RABGAP1L: variants seen among roughly 807,000 people sequenced by gnomAD.
RABGAP1L encodes the protein RAB GTPase activating protein 1 like, also known as rab GTPase-activating protein 1-like.
RABGAP1L carries 63 observed loss-of-function variants against 137.7 expected under a neutral mutation model. The ratio of observed to expected loss-of-function variants is 0.46; its 90% confidence interval spans 0.37 to 0.56. The LOEUF (loss-of-function observed/expected upper bound fraction) is 0.56, where lower values mean the gene tolerates loss of function less well. Among genes scored for constraint, RABGAP1L ranks in the 20% least tolerant of loss-of-function variants. The pLI is 0.00. For synonymous variants in RABGAP1L, 431 were observed against 433.7 expected, an observed-to-expected ratio of 0.99 and a Z score of 0.08; for missense variants, 1,095 against 1,244.0, an observed-to-expected ratio of 0.88 and a Z score of 1.80.
intron 14 of RABGAP1L, among the ~76,000 whole-genome samples, chr1:174,649,207 G>C (rs140879315): frequency 0.015 from 2,318 of 152,170 alleles, 30 homozygotes; most frequent in Middle Eastern, 0.061. Flanking sequence ...TACATTTAAG[G>C]TTAATATTGT....
chr1:174,607,113 A>G (rs1359961605), intron 13 of RABGAP1L, among the ~76,000 whole-genome samples: 1 of 152,204 alleles, frequency 6.6e-6, no homozygotes, highest in Non-Finnish European at 1.5e-5. Flanking sequence ...TTTTAATATC[A>G]GTATGTTCAA....
chr1:174,625,652 A>G (rs1040675038), intron 13 of RABGAP1L, among the ~76,000 whole-genome samples: 3 of 152,218 alleles, frequency 2.0e-5, no homozygotes, highest in African/African-American at 7.2e-5. Flanking sequence ...AGCTTGAAGA[A>G]TTTCAAAGAG....
intron 5 of RABGAP1L, among the ~76,000 whole-genome samples, chr1:174,246,749 G>A (rs958863664): frequency 3.3e-5 from 5 of 152,100 alleles, no homozygotes; most frequent in African/African-American, 1.2e-4. Context: ...AGTTTTGGGG[G>A]GTCCTAGAAA....
At chr1:174,784,493 G>A (rs1448062258) in intron 18 of RABGAP1L, among the ~76,000 whole-genome samples, 1 of 152,076 alleles carries the variant, frequency 6.6e-6, no homozygotes, top group Admixed American at 6.5e-5. Flanking sequence ...AGGTGGGAGA[G>A]GTTTACCCCA....
In RABGAP1L at chr1:174,936,971, ATTTTTTTTTTTT is replaced by A. The variant is rs909397955; in HGVS notation, c.2341-20473_2341-20462del. 5.2e-3 allele frequency among the ~76,000 whole-genome samples: 526 copies of A among 101,544 alleles called. 1 individual carries two copies. Among genetic ancestry groups the A allele is most frequent in the Middle Eastern group, 0.023 (3 of 128 alleles). The allele number at this position is 101,544 out of a possible 152,430, so 66.6% of individuals were successfully genotyped here. A position where few individuals can be genotyped will look rare whatever the true frequency, so the allele number is the denominator to read the frequency against. ...AAGGACCATAATTTTTATAAGATTA[ATTTTTTTTTTTT>A]TTTTTTTTTTTTGTGAGATGGAGCC... On this transcript the variant is annotated intron_variant, in intron 19 of 25. Coordinates refer to ENST00000681986, the MANE Select transcript of RABGAP1L (RefSeq NM_001366446.1).
chr1:174,597,056 G>A (rs1669998974), intron 13 of RABGAP1L, among the ~76,000 whole-genome samples: 1 of 151,990 alleles, frequency 6.6e-6, no homozygotes, highest in Admixed American at 6.6e-5. Flanking sequence ...TTACATCCTG[G>A]GGATAAATCT....
At chr1:174,527,412 A>G (rs10912804) in intron 13 of RABGAP1L, among the ~76,000 whole-genome samples, 88,259 of 151,696 alleles carry the variant, frequency 0.58, 27,976 homozygotes, top group African/African-American at 0.85. Flanking sequence ...CATGTTGGCC[A>G]GGCAAGCTGG....
At chr1:174,788,827 T>A (rs972287076) in intron 18 of RABGAP1L, among the ~76,000 whole-genome samples, 3 of 152,170 alleles carry the variant, frequency 2.0e-5, no homozygotes, top group Non-Finnish European at 4.4e-5. Context: ...TCCTCGTGCC[T>A]CAGCCTCCTG....
At chr1:174,833,258 G>GGT (rs1266769691) in intron 19 of RABGAP1L, among the ~76,000 whole-genome samples, 1 of 150,150 alleles carries the variant, frequency 6.7e-6, no homozygotes. Context: ...AGAGTGTAGT[G>GGT]GTGTGATCAC....
chr1:174,771,845 A>G (rs1686132763), intron 18 of RABGAP1L, among the ~76,000 whole-genome samples: 1 of 152,270 alleles, frequency 6.6e-6, no homozygotes, highest in Non-Finnish European at 1.5e-5. Flanking sequence ...AATTAATAGT[A>G]AGACACCTAT....
intron 1 of RABGAP1L, among the ~76,000 whole-genome samples, chr1:174,185,229 A>T (rs552695319): frequency 3.6e-4 from 55 of 152,336 alleles, no homozygotes; most frequent in African/African-American, 1.2e-3. Flanking sequence ...TAGATCTATT[A>T]GGTTGGTGCA....
At chr1:174,187,290 A>G (rs1441340023) in intron 1 of RABGAP1L, among the ~76,000 whole-genome samples, 1 of 151,860 alleles carries the variant, frequency 6.6e-6, no homozygotes, top group African/African-American at 2.4e-5. Flanking sequence ...GGTAGAGTGA[A>G]GGAAGTGAAC....
At chr1:174,356,503 A>C (rs970677845) in intron 11 of RABGAP1L, among the ~76,000 whole-genome samples, 1 of 152,122 alleles carries the variant, frequency 6.6e-6, no homozygotes, top group African/African-American at 2.4e-5. Context: ...TTCTTTTATA[A>C]TGTCAATTAA....
In RABGAP1L at chr1:174,221,665, A is replaced by G. The variant is rs1669767964; in HGVS notation, c.331+501A>G. Among the ~76,000 whole-genome samples the G allele has an allele frequency of 2.0e-5, 3 of 152,216 alleles. 1 individual carries two copies. In the South Asian group the frequency reaches 6.2e-4, roughly 32 times the overall value. On this transcript the variant is annotated intron_variant, in intron 3 of 25. Transcript: ENST00000681986. ...GATGCTTTTGGGTGCAAAAATAAAT[A>G]AAACCAAAACCAGCTCCAACTTCAG...
intron 1 of RABGAP1L, among the ~76,000 whole-genome samples, chr1:174,191,989 G>T (rs1667243374): frequency 6.6e-6 from 1 of 152,172 alleles, no homozygotes; most frequent in South Asian, 2.1e-4. Context: ...TTTCTGTGCA[G>T]CAGTAAAAGC....
intron 13 of RABGAP1L, among the ~76,000 whole-genome samples, chr1:174,506,291 A>G (rs1408085046): frequency 6.6e-6 from 1 of 152,196 alleles, no homozygotes; most frequent in Non-Finnish European, 1.5e-5. Flanking sequence ...ATATTTACAT[A>G]TTGTCTATAG....
chr1:174,797,939 T>G (rs886231263), intron 18 of RABGAP1L, among the ~76,000 whole-genome samples: 37 of 152,000 alleles, frequency 2.4e-4, no homozygotes, highest in African/African-American at 8.7e-4. Context: ...TTTGCATAGT[T>G]TTTTGTTTTT....
At chr1:174,503,216 A>G (rs1661488749) in intron 13 of RABGAP1L, among the ~76,000 whole-genome samples, 1 of 152,208 alleles carries the variant, frequency 6.6e-6, no homozygotes, top group South Asian at 2.1e-4. Context: ...TTATTTACAT[A>G]TTGTCTACAG....
At chr1:174,508,631 T>G (rs1283165259) in intron 13 of RABGAP1L, among the ~76,000 whole-genome samples, 5 of 152,306 alleles carry the variant, frequency 3.3e-5, no homozygotes, top group Non-Finnish European at 5.9e-5. Flanking sequence ...CTCCTGGAAG[T>G]GCTAGAGAAA....
Sources: allele counts gnomAD v4.1 joint callset (sites outside exome capture counted in the v4.1 genomes callset), GRCh38; gene constraint gnomAD v4.1.1; transcripts MANE v1.5; gene names NCBI Gene and HGNC (gene_info 2026-07-23, HGNC 2026-07-21).